SLIT2: variants seen among roughly 807,000 people sequenced by gnomAD.
SLIT2 encodes the protein slit homolog 2 protein.
Under a neutral mutation model 185.7 loss-of-function variants are expected in SLIT2, and 41 were observed. The observed-to-expected ratio is 0.22, with a 90% confidence interval of 0.17 to 0.29. SLIT2 has a LOEUF of 0.29. Ranked by LOEUF, SLIT2 falls within the 10% of genes least tolerant of loss-of-function variation. The pLI is 1.00. For missense variants in SLIT2, 1,571 were observed against 1,909.0 expected, an observed-to-expected ratio of 0.82 and a Z score of 3.30; for synonymous variants, 693 against 680.2, an observed-to-expected ratio of 1.02 and a Z score of -0.29.
intron 4 of SLIT2, among the ~76,000 whole-genome samples, chr4:20,388,727 T>A (rs1215164645): frequency 1.3e-5 from 2 of 148,828 alleles, no homozygotes; most frequent in African/African-American, 2.5e-5. Context: ...TGAGTGGAGA[T>A]CATGCTCCTG....
intron 11 of SLIT2, among the ~76,000 whole-genome samples, chr4:20,516,955 C>G (rs1276357749): frequency 4.6e-5 from 7 of 152,132 alleles, no homozygotes. Context: ...TTAAAGAAAG[C>G]AGTGATTTAT....
chr4:20,528,882 C>T lies in SLIT2; in HGVS notation c.1463-67C>T. 7.6e-7 allele frequency: 1 copy of T among 1,308,720 alleles called. No individual in the cohort carries two copies. The highest frequency in any genetic ancestry group is 1.1e-6 in the Non-Finnish European group (1 of 949,512). The allele number at this position is 1,308,720 out of a possible 1,614,324, so 81.1% of individuals were successfully genotyped here. ...TCTATAGTTATCTTACTTTTTTCTTCCTACAAACTAATAAATTTTCTAACC... is the reference window on the plus strand; with the variant it reads ...TCTATAGTTATCTTACTTTTTTCTTTCTACAAACTAATAAATTTTCTAACC... On this transcript the variant is annotated intron_variant, in intron 15 of 36. Transcript: ENST00000504154. The surrounding 1 kb of genome is among the most constrained non-coding windows in gnomAD (Gnocchi z 4.2).
intron 9 of SLIT2, among the ~76,000 whole-genome samples, chr4:20,498,070 G>A (rs922324120): frequency 3.9e-5 from 6 of 152,160 alleles, no homozygotes; most frequent in Non-Finnish European, 8.8e-5. Context: ...CTACTTGGGA[G>A]GCTGAGGCAG....
At chr4:20,601,671 G>A (rs1728422551) in intron 33 of SLIT2, among the ~76,000 whole-genome samples, 1 of 152,096 alleles carries the variant, frequency 6.6e-6, no homozygotes, top group African/African-American at 2.4e-5. Flanking sequence ...CCTGGGCCAG[G>A]CCTTTACTAC....
intron 4 of SLIT2, among the ~76,000 whole-genome samples, chr4:20,373,308 A>T (rs1318299188): frequency 6.6e-6 from 1 of 152,104 alleles, no homozygotes. Context: ...TCAATTTACA[A>T]TTATATGTAA....
At chr4:20,507,199 G>A (rs1230400795) in intron 9 of SLIT2, among the ~76,000 whole-genome samples, 1 of 151,912 alleles carries the variant, frequency 6.6e-6, no homozygotes, top group Admixed American at 6.6e-5. Context: ...TTCTGAGTAT[G>A]CAGCATTTTC....
chr4:20,346,645 G>T (rs993422449), intron 4 of SLIT2, among the ~76,000 whole-genome samples: 16 of 152,184 alleles, frequency 1.1e-4, no homozygotes, highest in Admixed American at 1.0e-3. Flanking sequence ...TCTGCAAGTC[G>T]AGAAGCAAGG....
chr4:20,349,322 A>G (rs1328765900), intron 4 of SLIT2, among the ~76,000 whole-genome samples: 1 of 152,180 alleles, frequency 6.6e-6, no homozygotes, highest in Non-Finnish European at 1.5e-5. Flanking sequence ...TTTTGTTTCC[A>G]TCTTATATAA....
At chr4:20,481,255 G>A (rs1716674901) in intron 6 of SLIT2, among the ~76,000 whole-genome samples, 1 of 151,990 alleles carries the variant, frequency 6.6e-6, no homozygotes. Flanking sequence ...AGGTTAATAA[G>A]CCACCCATTA....
chr4:20,414,198 A>G (rs1344288451), intron 4 of SLIT2, among the ~76,000 whole-genome samples: 1 of 152,086 alleles, frequency 6.6e-6, no homozygotes, highest in Non-Finnish European at 1.5e-5. Context: ...TTCATTTATA[A>G]TAATTGGGTT....
chr4:20,273,571 G>T (rs1577352073), intron 4 of SLIT2, among the ~76,000 whole-genome samples: 2 of 152,112 alleles, frequency 1.3e-5, no homozygotes, highest in South Asian at 4.2e-4. Context: ...AAATTTAAAG[G>T]ATAACTTGGT....
intron 18 of SLIT2, 58 bp downstream of exon 18, chr4:20,533,773 A>C: frequency 6.6e-7 from 1 of 1,507,498 alleles, no homozygotes; most frequent in Non-Finnish European, 9.1e-7. Flanking sequence ...CTCATTGTTC[A>C]TTATAATCCT....
intron 34 of SLIT2, among the ~76,000 whole-genome samples, chr4:20,612,311 CAA>C (rs770199955): frequency 5.6e-5 from 7 of 126,074 alleles, no homozygotes; most frequent in Non-Finnish European, 6.8e-5. Context: ...CGCCCCCCGC[CAA>C]AAAAAAAAAA....
rs952454280 is a variant in SLIT2 at position 20,503,632 on chromosome 4, C to T, written c.915-6863C>T. 3.3e-5 allele frequency among the ~76,000 whole-genome samples: 5 copies of T among 152,098 alleles called. No homozygotes were observed. The East Asian group carries it at 9.7e-4, about 29-fold the overall frequency. On this transcript the variant is annotated intron_variant, in intron 9 of 36. Transcript: ENST00000504154. ...GTATCTTTGTATTTGAATATGTGTCCTTGTGAATATATGCATGAAAATTTT... is the reference window on the plus strand; with the variant it reads ...GTATCTTTGTATTTGAATATGTGTCTTTGTGAATATATGCATGAAAATTTT...
chr4:20,385,321 TC>T (rs1445904175), intron 4 of SLIT2, among the ~76,000 whole-genome samples: 2 of 152,204 alleles, frequency 1.3e-5, no homozygotes, highest in Non-Finnish European at 2.9e-5. Flanking sequence ...TATAAACTTT[TC>T]TTTAACAGTT....
intron 4 of SLIT2, among the ~76,000 whole-genome samples, chr4:20,447,334 TCA>T (rs1206369473): frequency 6.6e-6 from 1 of 152,118 alleles, no homozygotes; most frequent in Admixed American, 6.6e-5. Flanking sequence ...GGGACAAGGA[TCA>T]CACAGATGCA....
intron 29 of SLIT2, among the ~76,000 whole-genome samples, chr4:20,581,442 GTATTTTAAACT>G: frequency 6.6e-6 from 1 of 152,044 alleles, no homozygotes. Flanking sequence ...CCACATCACT[GTATTTTAAACT>G]CTGTTTGCAC....
intron 23 of SLIT2, 133 bp downstream of exon 23, chr4:20,548,692 A>C: frequency 1.5e-6 from 1 of 647,428 alleles, no homozygotes; most frequent in South Asian, 1.9e-5. Context: ...AAACAGACAA[A>C]ACCACGATAC....
intron 34 of SLIT2, among the ~76,000 whole-genome samples, chr4:20,612,867 G>A (rs1199233590): frequency 2.8e-5 from 4 of 145,240 alleles, no homozygotes; most frequent in African/African-American, 5.2e-5. Context: ...GCAGTGAGCC[G>A]AGATCGCACC....
Sources: allele counts gnomAD v4.1 joint callset (sites outside exome capture counted in the v4.1 genomes callset), GRCh38; gene constraint gnomAD v4.1.1; non-coding constraint Gnocchi (gnomAD v3.1); transcripts MANE v1.5; gene names NCBI Gene and HGNC (gene_info 2026-07-23, HGNC 2026-07-21).